GRIA4: variants seen among roughly 807,000 people sequenced by gnomAD.
The protein encoded by GRIA4 is glutamate ionotropic receptor AMPA type subunit 4.
GRIA4 carries 34 observed loss-of-function variants against 104.0 expected under a neutral mutation model. The observed-to-expected ratio is 0.33, with a 90% confidence interval of 0.25 to 0.44. GRIA4 has a LOEUF of 0.44. Ranked by LOEUF, GRIA4 falls within the 20% of genes least tolerant of loss-of-function variation. The pLI, the probability that GRIA4 is intolerant of heterozygous loss-of-function variation, is 1.00. For synonymous variants in GRIA4, 386 were observed against 381.9 expected, an observed-to-expected ratio of 1.01 and a Z score of -0.13; for missense variants, 750 against 1,096.5, an observed-to-expected ratio of 0.68 and a Z score of 4.46.
At chr11:105,918,396 A>C (rs545334492) in intron 10 of GRIA4, among the ~76,000 whole-genome samples, 87 of 152,258 alleles carry the variant, frequency 5.7e-4, no homozygotes, top group South Asian at 1.2e-3. Context: ...TTCATTGCCA[A>C]AGAATATAAT....
At chr11:105,629,078 C>A (rs1487424996) in intron 3 of GRIA4, among the ~76,000 whole-genome samples, 22 of 132,048 alleles carry the variant, frequency 1.7e-4, no homozygotes, top group African/African-American at 2.8e-4. Context: ...ACTTCTCCAC[C>A]AAAAAAAAAA....
chr11:105,792,585 T>C (rs764110751), intron 4 of GRIA4, among the ~76,000 whole-genome samples: 9 of 152,156 alleles, frequency 5.9e-5, no homozygotes, highest in East Asian at 1.9e-4. Flanking sequence ...GCCTTACCTT[T>C]ATATTAGAGA....
chr11:105,677,539 A>G (rs1952577358), intron 3 of GRIA4, among the ~76,000 whole-genome samples: 1 of 152,036 alleles, frequency 6.6e-6, no homozygotes, highest in South Asian at 2.1e-4. Flanking sequence ...TAGTTTATTC[A>G]TCTATCTCCT....
At chr11:105,806,670 ACC>A in intron 4 of GRIA4, among the ~76,000 whole-genome samples, 2 of 151,878 alleles carry the variant, frequency 1.3e-5, no homozygotes, top group South Asian at 4.1e-4. Flanking sequence ...ATTGAATGGT[ACC>A]CAGGTCTTCT....
At chr11:105,968,444 T>C (rs1858507233) in intron 14 of GRIA4, among the ~76,000 whole-genome samples, 1 of 152,186 alleles carries the variant, frequency 6.6e-6, no homozygotes, top group Non-Finnish European at 1.5e-5. Flanking sequence ...AGCTTCCCTG[T>C]CACACTCCAG....
At chr11:105,959,548 T>C (rs1235896551) in intron 14 of GRIA4, among the ~76,000 whole-genome samples, 1 of 152,184 alleles carries the variant, frequency 6.6e-6, no homozygotes, top group Non-Finnish European at 1.5e-5. Flanking sequence ...GGTTAAAACA[T>C]GCATTTTTAG....
intron 4 of GRIA4, among the ~76,000 whole-genome samples, chr11:105,768,965 A>G (rs922216535): frequency 2.0e-5 from 3 of 152,238 alleles, no homozygotes; most frequent in South Asian, 4.1e-4. Context: ...TTCAATTAGA[A>G]GAAAGGAAAG....
rs190080262 is a variant in GRIA4 at position 105,979,752 on chromosome 11, T to A, written c.*13T>A. The A allele has an allele frequency of 6.2e-7, 1 of 1,601,926 alleles. No individual in the cohort carries two copies. Among genetic ancestry groups the A allele is most frequent in the Non-Finnish European group, 8.5e-7 (1 of 1,169,666 alleles). ...GGACCTACCATAAAAACCAAAAAAA[T>A]AATTGAGTGCCTTAATTAAACTGTT... On this transcript the variant is annotated 3_prime_UTR_variant, in exon 17 of 17. Transcript: ENST00000282499.
At chr11:105,814,793 C>A (rs1289740353) in intron 4 of GRIA4, among the ~76,000 whole-genome samples, 1 of 152,064 alleles carries the variant, frequency 6.6e-6, no homozygotes, top group Non-Finnish European at 1.5e-5. Context: ...CCTGTATAGC[C>A]CTTTCCCTTA....
At chr11:105,889,161 CAATTAA>C (rs1281617912) in intron 6 of GRIA4, among the ~76,000 whole-genome samples, 1 of 151,888 alleles carries the variant, frequency 6.6e-6, no homozygotes, top group African/African-American at 2.4e-5. Context: ...CTGACATTGG[CAATTAA>C]AATAAATAAA....
rs184097058 is a variant in GRIA4, at chr11:105,646,968, T to C, written c.247+34534T>C. ...AGATTTACTAAATGAATAAATTAAA[T>C]GAAGGAGCTTCTGCACAGAAAAACA... is the stretch of plus-strand genomic sequence containing the variant. On this transcript the variant is annotated intron_variant, in intron 3 of 16. Transcript: ENST00000282499. Among the ~76,000 whole-genome samples the C allele has an allele frequency of 6.7e-3, 1,015 of 152,180 alleles. 8 individuals carry two copies. The highest frequency in any genetic ancestry group is 9.3e-3 in the Non-Finnish European group (629 of 67,976).
chr11:105,637,200 G>C (rs966467640), intron 3 of GRIA4, among the ~76,000 whole-genome samples: 2 of 151,892 alleles, frequency 1.3e-5, no homozygotes, highest in Non-Finnish European at 2.9e-5. Flanking sequence ...TAGAAGCTTT[G>C]TTATCCTTAA....
intron 3 of GRIA4, among the ~76,000 whole-genome samples, chr11:105,634,441 GAAGGAAGGAGAAAGAAAGA>G (rs1951129012): frequency 9.0e-6 from 1 of 111,038 alleles, no homozygotes; most frequent in Admixed American, 9.0e-5. Flanking sequence ...GAGGAGAAAG[GAAGGAAGGAGAAAGAAAGA>G]AAGAAAGGGA....
Position 105,713,517 on chromosome 11 carries a change from C to T in GRIA4, c.248-39464C>T, listed in dbSNP as rs1565484802. On this transcript the variant is annotated intron_variant, in intron 3 of 16. Transcript: ENST00000282499. ...ATCTTTTCCAGATTTTTCTTTAATGCTTTTACAGATAAAAGCAATGCTTAA... is the reference window on the plus strand; with the variant it reads ...ATCTTTTCCAGATTTTTCTTTAATGTTTTTACAGATAAAAGCAATGCTTAA... Among the ~76,000 whole-genome samples, 3 of 152,040 alleles carry T rather than the reference C, an allele frequency of 2.0e-5. No homozygotes were observed. The South Asian group carries it at 6.2e-4, about 31-fold the overall frequency.
intron 3 of GRIA4, among the ~76,000 whole-genome samples, chr11:105,718,849 G>A (rs932939680): frequency 6.6e-6 from 1 of 152,096 alleles, no homozygotes; most frequent in African/African-American, 2.4e-5. Flanking sequence ...AAAGATTTGT[G>A]CTTGCTGAGG....
rs1393270482 is a variant in GRIA4 at position 105,755,845 on chromosome 11, T to C, written c.487+2625T>C. Among the ~76,000 whole-genome samples, 3 of 152,146 alleles carry C rather than the reference T, an allele frequency of 2.0e-5. No homozygotes were observed. In the East Asian group the frequency reaches 5.8e-4, roughly 29 times the overall value. On this transcript the variant is annotated intron_variant, in intron 4 of 16. Transcript: ENST00000282499. ...ATCTTCTGCCCTTGGACATCGGTGG[T>C]CTTGATTCTCAGGCCTCTGGACTCG...
chr11:105,868,981 T>A (rs1042790188), intron 5 of GRIA4, among the ~76,000 whole-genome samples: 2 of 152,154 alleles, frequency 1.3e-5, no homozygotes, highest in African/African-American at 2.4e-5. Flanking sequence ...AGTCCTATTA[T>A]GATGCACTAG....
At chr11:105,859,628 C>T (rs1426238569) in intron 4 of GRIA4, among the ~76,000 whole-genome samples, 1 of 152,072 alleles carries the variant, frequency 6.6e-6, no homozygotes, top group Non-Finnish European at 1.5e-5. Context: ...GCCAGAAATG[C>T]AGCAATATTT....
intron 4 of GRIA4, among the ~76,000 whole-genome samples, chr11:105,830,767 C>A (rs1410999442): frequency 6.6e-6 from 1 of 152,008 alleles, no homozygotes; most frequent in Non-Finnish European, 1.5e-5. Context: ...TCCACCCAGG[C>A]AAAGGGCCTG....
Sources: allele counts gnomAD v4.1 joint callset (sites outside exome capture counted in the v4.1 genomes callset), GRCh38; gene constraint gnomAD v4.1.1; transcripts MANE v1.5; gene names NCBI Gene and HGNC (gene_info 2026-07-23, HGNC 2026-07-21).